Variants in CPVL observed in about 807,000 individuals in gnomAD.
CPVL encodes the protein probable serine carboxypeptidase CPVL.
A neutral mutation model predicts 63.7 loss-of-function variants in CPVL; 51 were observed. The observed-to-expected ratio is 0.80, with a 90% CI of 0.64 to 1.01. The LOEUF is 1.01. Among genes scored for constraint, CPVL ranks in the 50% least tolerant of loss-of-function variants. The probability of loss-of-function intolerance (pLI) is 0.00; values close to 1 mark genes in which losing one functional copy is unlikely to be tolerated. For missense variants in CPVL, 530 were observed against 573.1 expected (o/e 0.92, Z 0.77); for synonymous variants, 195 against 206.0 (o/e 0.95, Z 0.46).
chr7:29,195,244 C>G (rs1223920400), exon 1 of CPVL: 3 of 431,012 alleles, frequency 7.0e-6, no homozygotes, highest in African/African-American at 6.2e-5. Flanking sequence ...TGTTCCGGGG[C>G]TTGGAGTGCA....
chr7:29,016,984 A>G (rs534886926), intron 12 of CPVL, among the ~76,000 whole-genome samples: 33 of 152,292 alleles, frequency 2.2e-4, no homozygotes, highest in Non-Finnish European at 3.8e-4. Flanking sequence ...TAAAGTTACC[A>G]TTATAAACTT....
At chr7:29,099,529 T>C (rs190762352) in intron 3 of CPVL, among the ~76,000 whole-genome samples, 3 of 152,248 alleles carry the variant, frequency 2.0e-5, no homozygotes, top group Admixed American at 1.3e-4. Context: ...CTGGCCAATA[T>C]GGTGAAACCG....
At chr7:29,133,625 A>G (rs1790912921) in intron 1 of CPVL, among the ~76,000 whole-genome samples, 1 of 152,222 alleles carries the variant, frequency 6.6e-6, no homozygotes. Flanking sequence ...ATGGCATTTA[A>G]TCCTGCTGAA....
intron 9 of CPVL, among the ~76,000 whole-genome samples, chr7:29,068,885 C>T (rs550212453): frequency 1.3e-5 from 2 of 150,618 alleles, no homozygotes; most frequent in South Asian, 2.1e-4. Context: ...TTAGTAGAGA[C>T]GGGGTTTCAC....
chr7:29,071,925 C>G, intron 8 of CPVL, 21 bp from the exon 9 acceptor site: 2 of 1,613,556 alleles, frequency 1.2e-6, no homozygotes, highest in South Asian at 1.1e-5. Flanking sequence ...AAAAGACACA[C>G]ATCAATGTGA....
intron 1 of CPVL, among the ~76,000 whole-genome samples, chr7:29,141,654 C>T (rs762072971): frequency 6.6e-6 from 1 of 151,156 alleles, no homozygotes; most frequent in Admixed American, 6.6e-5. Context: ...TTGTGGCTCA[C>T]GCCTGTAATC....
intron 3 of CPVL, among the ~76,000 whole-genome samples, chr7:29,184,904 TGGATAA>T (rs1307814854): frequency 2.0e-5 from 3 of 152,198 alleles, no homozygotes; most frequent in Non-Finnish European, 4.4e-5. Flanking sequence ...GGAGTTTATG[TGGATAA>T]GGACAAAAAT....
chr7:29,096,172 G>T lies in CPVL; in HGVS notation c.334C>A (p.Pro112Thr). ...APVVLWLQGG[P>T]GGSSMFGLFV... is the part of the protein sequence containing the mutation. Reference sequence around the variant, plus strand: ...AGTCCAAACATGGATGAACCTCCCGGCCCACCCTGTAGCCAGAGAACTACT... The same window carrying T: ...AGTCCAAACATGGATGAACCTCCCGTCCCACCCTGTAGCCAGAGAACTACT... Residue 112 changes from proline to threonine, a missense_variant, in exon 4 of 13, where the codon CCG becomes ACG. Pro to Thr is a conservative substitution (Grantham distance 38). Coordinates refer to ENST00000265394, the MANE Select transcript of CPVL (RefSeq NM_031311.5). 1.2e-6 allele frequency: 2 copies of T among 1,614,146 alleles called. No individual in the cohort carries two copies. Among genetic ancestry groups the T allele is most frequent in the Non-Finnish European group, 1.7e-6 (2 of 1,180,008 alleles).
intron 7 of CPVL, among the ~76,000 whole-genome samples, chr7:29,083,111 C>T (rs965056464): frequency 1.3e-5 from 2 of 152,172 alleles, no homozygotes; most frequent in East Asian, 1.9e-4. Context: ...GTGTAGTATG[C>T]TAATCAGTCA....
chr7:29,124,736 G>C (rs1433490959), intron 1 of CPVL, among the ~76,000 whole-genome samples: 2 of 151,990 alleles, frequency 1.3e-5, no homozygotes, highest in African/African-American at 4.8e-5. Flanking sequence ...ATTAGGTAAA[G>C]AAAAGCAGGA....
intron 12 of CPVL, among the ~76,000 whole-genome samples, chr7:29,002,065 C>T (rs943312694): frequency 1.3e-5 from 2 of 152,174 alleles, no homozygotes; most frequent in African/African-American, 2.4e-5. Flanking sequence ...TGCTGCTTTT[C>T]CCTTTGGGAA....
rs1258844486 is a variant in CPVL, at chr7:29,066,064, C to T, written c.922G>A (p.Val308Ile). 6.2e-7 allele frequency: 1 copy of T among 1,609,588 alleles called. No individual in the cohort carries two copies. The highest frequency in any genetic ancestry group is 8.5e-7 in the Non-Finnish European group (1 of 1,176,890). Residue 308 changes from valine to isoleucine, a missense_variant, in exon 10 of 13, where the codon GTT becomes ATT. Val to Ile is a conservative substitution (Grantham distance 29). Transcript: ENST00000265394. ...LTSDPSYFQNVTGCSNYYNFL... is the reference protein window; with the variant it reads ...LTSDPSYFQNITGCSNYYNFL... ...TTATAGTAATTACTACATCCTGTAACATTCTGGAAGTAAGAAGGATCACTT... is the reference window on the plus strand; with the variant it reads ...TTATAGTAATTACTACATCCTGTAATATTCTGGAAGTAAGAAGGATCACTT...
chr7:29,146,070 A>G (rs1562792328), intron 1 of CPVL: 2 of 153,298 alleles, frequency 1.3e-5, no homozygotes, highest in Non-Finnish European at 2.9e-5. Flanking sequence ...AGTGTCCTGC[A>G]CCCGCCACCC....
chr7:29,029,506 A>G (rs1291277254), intron 12 of CPVL, among the ~76,000 whole-genome samples: 4 of 152,220 alleles, frequency 2.6e-5, no homozygotes, highest in Non-Finnish European at 5.9e-5. Flanking sequence ...TTGCAGTGAC[A>G]TGGATGGAAC....
chr7:29,099,413 T>C (rs1457888168), intron 3 of CPVL, among the ~76,000 whole-genome samples: 1 of 152,164 alleles, frequency 6.6e-6, no homozygotes, highest in Non-Finnish European at 1.5e-5. Flanking sequence ...GGGTTTTGTT[T>C]TATAAGTCAA....
intron 5 of CPVL, among the ~76,000 whole-genome samples, chr7:29,155,925 G>A (rs547628652): frequency 1.3e-5 from 2 of 152,318 alleles, no homozygotes; most frequent in African/African-American, 2.4e-5. Context: ...GCCCTGAGCC[G>A]ATAGATCTAG....
At chr7:29,115,406 G>A (rs545710024) in intron 2 of CPVL, among the ~76,000 whole-genome samples, 1 of 152,258 alleles carries the variant, frequency 6.6e-6, no homozygotes, top group African/African-American at 2.4e-5. Flanking sequence ...AGAGAGAGGT[G>A]AGGATCTTAT....
chr7:29,179,912 T>C (rs553273184), intron 5 of CPVL, among the ~76,000 whole-genome samples: 12 of 152,218 alleles, frequency 7.9e-5, no homozygotes, highest in Non-Finnish European at 1.6e-4. Context: ...GTCACTGTTA[T>C]TTTGAAAGCA....
chr7:29,071,241 A>T (rs17675986), intron 9 of CPVL, among the ~76,000 whole-genome samples: 16,738 of 152,300 alleles, frequency 0.11, 1,146 homozygotes, highest in Middle Eastern at 0.16. Context: ...GGGAGCAATG[A>T]AAGGATATGC....
Sources: allele counts gnomAD v4.1 joint callset (sites outside exome capture counted in the v4.1 genomes callset), GRCh38; gene constraint gnomAD v4.1.1; transcripts MANE v1.5; gene names NCBI Gene and HGNC (gene_info 2026-07-23, HGNC 2026-07-21).